SIM1: variants seen among roughly 807,000 people sequenced by gnomAD.
SIM1 encodes single-minded homolog 1.
Under a neutral mutation model 78.2 loss-of-function variants are expected in SIM1, and 18 were observed. The observed-to-expected ratio is 0.23, with a 90% CI of 0.16 to 0.34. SIM1 has a LOEUF of 0.34. Ranked by LOEUF, SIM1 falls within the 10% of genes least tolerant of loss-of-function variation. The pLI is 1.00. For missense variants in SIM1, 939 were observed against 975.1 expected, an observed-to-expected ratio of 0.96 and a Z score of 0.49; for synonymous variants, 417 against 385.2, an observed-to-expected ratio of 1.08 and a Z score of -0.97.
chr6:100,428,657 A>AC (rs1337960651), intron 9 of SIM1, among the ~76,000 whole-genome samples: 1 of 141,882 alleles, frequency 7.0e-6, no homozygotes, highest in East Asian at 1.9e-4. Context: ...AATTCAGCAC[A>AC]CTAGTCCCCG....
chr6:100,450,765 C>A (rs886286193), intron 3 of SIM1, among the ~76,000 whole-genome samples: 1 of 147,894 alleles, frequency 6.8e-6, no homozygotes, highest in African/African-American at 2.5e-5. Context: ...CCTATGTGTT[C>A]TATAATGGAA....
chr6:100,458,000 C>G (rs913717065), intron 2 of SIM1, among the ~76,000 whole-genome samples: 11 of 98,990 alleles, frequency 1.1e-4, no homozygotes, highest in African/African-American at 3.7e-4. Context: ...CTGTCTGTCT[C>G]TCTCTTTCTC....
Position 100,447,286 on chromosome 6 carries a change from C to G in SIM1, c.980G>C (p.Ser327Thr). 6.2e-7 allele frequency: 1 copy of G among 1,614,224 alleles called. No individual in the cohort carries two copies. The highest frequency in any genetic ancestry group is 8.5e-7 in the Non-Finnish European group (1 of 1,180,040). The change falls in exon 9 of 12, where the codon AGC (serine) becomes ACC (threonine). Residue 327 changes from serine to threonine, a missense_variant. Physicochemically the swap from Ser to Thr is moderately conservative, Grantham distance 58 (BLOSUM62 1). This residue lies in a region of SIM1 where 66 missense variants were observed against 108.4 expected (regional missense o/e 0.61). Coordinates refer to ENST00000369208, the MANE Select transcript of SIM1 (RefSeq NM_005068.3). ...CACTCACGTGAGGACATAGTTGACG[C>G]TGACGATACAGTGTGGCCTGGAGGA... Reference protein sequence around the residue: ...SRSSRPHCIVSVNYVLTDTEY... With the variant: ...SRSSRPHCIVTVNYVLTDTEY...
At chr6:100,407,866 T>C (rs1057364067) in intron 10 of SIM1, among the ~76,000 whole-genome samples, 2 of 152,134 alleles carry the variant, frequency 1.3e-5, no homozygotes, top group African/African-American at 2.4e-5. Flanking sequence ...ACAAGTTCCT[T>C]ATATGTTTGT....
At chr6:100,399,451 G>C (rs1770854145) in intron 10 of SIM1, among the ~76,000 whole-genome samples, 1 of 152,032 alleles carries the variant, frequency 6.6e-6, no homozygotes, top group African/African-American at 2.4e-5. Context: ...AGCAGGAGTA[G>C]GAGAGAAGTA....
At chr6:100,411,381 G>A (rs1405895779) in intron 10 of SIM1, among the ~76,000 whole-genome samples, 1 of 152,176 alleles carries the variant, frequency 6.6e-6, no homozygotes, top group Non-Finnish European at 1.5e-5. Context: ...CTCATTCAAA[G>A]TTTTACTCTC....
intron 9 of SIM1, among the ~76,000 whole-genome samples, chr6:100,426,241 C>T (rs1771726656): frequency 6.6e-6 from 1 of 152,186 alleles, no homozygotes; most frequent in Non-Finnish European, 1.5e-5. Context: ...CAATCTCACC[C>T]ATATTTGCAC....
At chr6:100,429,107 G>A (rs1427445992) in intron 9 of SIM1, among the ~76,000 whole-genome samples, 6 of 152,194 alleles carry the variant, frequency 3.9e-5, no homozygotes, top group South Asian at 2.1e-4. Context: ...GGTAGCTCAC[G>A]CCTGTAATCC....
intron 9 of SIM1, 122 bp downstream of exon 9, chr6:100,447,146 G>A (rs1213680326): frequency 9.0e-7 from 1 of 1,108,476 alleles, no homozygotes. Context: ...GCCAGCACTC[G>A]AGGGTCAAAA....
Position 100,390,556 on chromosome 6 carries a change from G to C in SIM1, c.2106C>G (p.His702Gln), listed in dbSNP as rs771291883. The change falls in exon 12 of 12, where the codon CAC (histidine) becomes CAG (glutamine). Residue 702 changes from histidine (H) to glutamine (Q), a missense_variant. This residue lies in a region of SIM1 where 556 missense variants were observed against 521.9 expected (regional missense o/e 1.07). Transcript: ENST00000369208. ...AAGCATGCTTGTCAAAATACTGCCG[G>C]TGAGAGCCAAAGCAGTTTGGAGAGA... ...PTVSPNCFGS[H>Q]RQYFDKHAYT... 6.2e-7 allele frequency: 1 copy of C among 1,614,186 alleles called. No individual in the cohort carries two copies. Among genetic ancestry groups the C allele is most frequent in the Non-Finnish European group, 8.5e-7 (1 of 1,180,024 alleles).
intron 1 of SIM1, among the ~76,000 whole-genome samples, 163 bp from the exon 2 acceptor site, chr6:100,464,098 C>A (rs1188845471): frequency 6.6e-6 from 1 of 152,142 alleles, no homozygotes. Flanking sequence ...CGAGACAGCC[C>A]CCTGCAAATA....
At chr6:100,392,582 CAAG>C (rs1374315958) in intron 11 of SIM1, among the ~76,000 whole-genome samples, 2 of 152,094 alleles carry the variant, frequency 1.3e-5, no homozygotes, top group Non-Finnish European at 2.9e-5. Flanking sequence ...AAATAGAAAG[CAAG>C]AATAGAAACA....
intron 10 of SIM1, among the ~76,000 whole-genome samples, chr6:100,413,929 C>T (rs1771331146): frequency 6.6e-6 from 1 of 152,204 alleles, no homozygotes; most frequent in African/African-American, 2.4e-5. Context: ...TTCCCTTTCT[C>T]TATGCTCCTT....
At chr6:100,436,209 C>T (rs1772045110) in intron 9 of SIM1, among the ~76,000 whole-genome samples, 1 of 152,164 alleles carries the variant, frequency 6.6e-6, no homozygotes. Context: ...ATCTCAGTTA[C>T]CAGCAAGCCC....
chr6:100,391,441 G>C (rs905390624), intron 11 of SIM1, among the ~76,000 whole-genome samples: 1 of 151,466 alleles, frequency 6.6e-6, no homozygotes, highest in Non-Finnish European at 1.5e-5. Context: ...CTGGAAATAA[G>C]AGAAGGATGC....
intron 9 of SIM1, among the ~76,000 whole-genome samples, chr6:100,446,766 G>A (rs1426762346): frequency 6.6e-6 from 1 of 152,192 alleles, no homozygotes; most frequent in East Asian, 1.9e-4. Context: ...GTTAAAGTCA[G>A]ATCCTCCTGG....
At chr6:100,409,768 T>C (rs562076658) in intron 10 of SIM1, among the ~76,000 whole-genome samples, 2 of 152,182 alleles carry the variant, frequency 1.3e-5, no homozygotes, top group Admixed American at 6.5e-5. Flanking sequence ...TTATTTCTTT[T>C]TTTATTTATT....
chr6:100,431,498 A>C (rs754694595), intron 9 of SIM1, among the ~76,000 whole-genome samples: 1 of 152,252 alleles, frequency 6.6e-6, no homozygotes, highest in Non-Finnish European at 1.5e-5. Context: ...TACCATTATT[A>C]GTAGTATTAT....
intron 11 of SIM1, among the ~76,000 whole-genome samples, chr6:100,392,218 C>G (rs1162451666): frequency 6.6e-6 from 1 of 152,060 alleles, no homozygotes; most frequent in African/African-American, 2.4e-5. Flanking sequence ...TAATAACAAC[C>G]TGTTTGGAGC....
Sources: allele counts gnomAD v4.1 joint callset (sites outside exome capture counted in the v4.1 genomes callset), GRCh38; gene constraint gnomAD v4.1.1; regional missense constraint gnomAD v4.1.1; transcripts MANE v1.5; gene names NCBI Gene and HGNC (gene_info 2026-07-23, HGNC 2026-07-21).